Variants in NPHP4 observed in about 807,000 individuals in gnomAD.
NPHP4 encodes nephrocystin-4.
Under a neutral mutation model 155.8 loss-of-function variants are expected in NPHP4, and 151 were observed. The ratio of observed to expected loss-of-function variants is 0.97; its 90% confidence interval spans 0.85 to 1.11. NPHP4 has a LOEUF of 1.11. Among genes scored for constraint, NPHP4 ranks in the 50% least tolerant of loss-of-function variants. NPHP4 has a pLI of 0.00. For missense variants in NPHP4, 1,956 were observed against 1,925.7 expected, an observed-to-expected ratio of 1.02 and a Z score of -0.29; for synonymous variants, 845 against 816.8, an observed-to-expected ratio of 1.03 and a Z score of -0.59.
At position 5,910,659 on chromosome 1, in the gene NPHP4, GCTCTGAATCCCAAAAAAA is replaced by G. The variant is rs1645135164; in HGVS notation, c.1442-1464_1442-1447del. On this transcript the variant is annotated intron_variant, in intron 11 of 29. Transcript: ENST00000378156. This position sits in a 1 kb window ranked among gnomAD's most constrained non-coding sequence, Gnocchi z 5.4. ...AGACTGCTCAGCCACTTCGTGTTCC[GCTCTGAATCCCAAAAAAA>G]CAAAAACAACAAGGAAAATGCTGTC... Among the ~76,000 whole-genome samples, 1 of 152,146 alleles carries G rather than the reference GCTCTGAATCCCAAAAAAA, an allele frequency of 6.6e-6. No homozygotes were observed. The highest frequency in any genetic ancestry group is 1.5e-5 in the Non-Finnish European group (1 of 68,028).
chr1:5,980,253 T>C (rs919754314), intron 2 of NPHP4, among the ~76,000 whole-genome samples: 2 of 152,200 alleles, frequency 1.3e-5, no homozygotes, highest in Non-Finnish European at 2.9e-5. Context: ...ACCCCTCGTC[T>C]TGGGAGCCCT....
intron 9 of NPHP4, among the ~76,000 whole-genome samples, chr1:5,939,039 A>T (rs752806464): frequency 8.3e-4 from 126 of 152,322 alleles, no homozygotes; most frequent in Non-Finnish European, 4.3e-4. Context: ...CAAAGTCAAT[A>T]TACTCGAGCA....
intron 6 of NPHP4, among the ~76,000 whole-genome samples, chr1:5,955,904 A>G (rs570562137): frequency 4.6e-5 from 7 of 152,220 alleles, no homozygotes; most frequent in Non-Finnish European, 1.0e-4. Flanking sequence ...TCCTGACCAC[A>G]CAGAAATGAT....
chr1:5,903,498 G>A (rs142813686), intron 16 of NPHP4, among the ~76,000 whole-genome samples: 2 of 152,024 alleles, frequency 1.3e-5, no homozygotes, highest in African/African-American at 4.8e-5. Flanking sequence ...CTTATGAGCT[G>A]AGTCACTGAC....
rs1640830509 is a variant in NPHP4, at chr1:5,863,350, ACT to A, written c.4194_4195del (p.Arg1398SerfsTer3). ...GTAGATCAGGATCTCCTCCTCACCC[ACT>A]CTCTGACTAGGCGCAAACTGCAAGC... On this transcript the variant is annotated frameshift_variant, in exon 30 of 30. Coordinates refer to ENST00000378156, the MANE Select transcript of NPHP4 (RefSeq NM_015102.5). LOFTEE classifies it high-confidence loss of function. 6.2e-7 allele frequency: 1 copy of A among 1,613,296 alleles called. No individual in the cohort carries two copies. Among genetic ancestry groups the A allele is most frequent in the African/African-American group, 1.3e-5 (1 of 74,722 alleles).
intron 9 of NPHP4, among the ~76,000 whole-genome samples, chr1:5,943,703 G>A (rs1646941417): frequency 6.6e-6 from 1 of 152,168 alleles, no homozygotes; most frequent in Non-Finnish European, 1.5e-5. Context: ...CACATTGCTG[G>A]GGTTTGTCCG....
rs1418166093 is a variant in NPHP4, at chr1:5,904,778, G to A, written c.1982C>T (p.Ser661Leu). ...SRVAQDCRGT[S>L]WPKTVYFTFQ... The stretch of plus-strand genomic sequence containing the variant: ...GGTGAAATACACAGTCTTTGGCCAT[G>A]ATGTTCCTCGGCAGTCCTGGGCCAC... Residue 661 changes from serine to leucine, a missense_variant, in exon 16 of 30, where the codon TCA (serine) becomes TTA (leucine). Coordinates refer to ENST00000378156, the MANE Select transcript of NPHP4 (RefSeq NM_015102.5). The A allele has an allele frequency of 6.2e-7, 1 of 1,614,024 alleles. No individual in the cohort carries two copies. The highest frequency in any genetic ancestry group is 1.7e-5 in the Admixed American group (1 of 60,020).
chr1:5,965,084 C>T lies in NPHP4; in HGVS notation c.517+2215G>A, dbSNP rs1360045176. On this transcript the variant is annotated intron_variant, in intron 5 of 29. Transcript: ENST00000378156. ...AGTAGCTATGACCACAGGGGCGCAC[C>T]GCCATACCCAGTTAATGTTTGTATT... 3.3e-5 allele frequency among the ~76,000 whole-genome samples: 5 copies of T among 150,914 alleles called. No homozygotes were observed. In the East Asian group the frequency reaches 7.7e-4, roughly 23 times the overall value.
chr1:5,888,328 C>T, intron 17 of NPHP4: 2 of 1,058,236 alleles, frequency 1.9e-6, no homozygotes, highest in Non-Finnish European at 2.3e-6. Context: ...ACACTCTTCC[C>T]CCGTGCCCTC....
rs763002637 is a variant in NPHP4 at position 5,864,350 on chromosome 1, C to A, written c.3984G>T (p.Pro1328=). 2 of 1,605,960 alleles carry A rather than the reference C, an allele frequency of 1.2e-6. No homozygotes were observed. The highest frequency in any genetic ancestry group is 1.7e-6 in the Non-Finnish European group (2 of 1,175,910). ...SWLVCLCCRQ[P]LISKAFEIML... ...CACACATACAGACCTTGGAGATGAG[C>A]GGCTGGCGGCAGCAGAGGCACACGA... The change falls in exon 28 of 30, where the codon CCG becomes CCT. Residue 1328 remains proline (P), a synonymous_variant. Coordinates refer to ENST00000378156, the MANE Select transcript of NPHP4 (RefSeq NM_015102.5).
At chr1:5,899,202 G>A (rs930621839) in intron 16 of NPHP4, among the ~76,000 whole-genome samples, 2 of 152,156 alleles carry the variant, frequency 1.3e-5, no homozygotes, top group Non-Finnish European at 2.9e-5. Flanking sequence ...CACAACGGCC[G>A]TGCGCACCAA....
Position 5,866,416 on chromosome 1 carries a change from C to G in NPHP4, c.3601G>C (p.Gly1201Arg), listed in dbSNP as rs770432925. ...PRDIFLKVAS[G>R]PSPEIKDFFV... is the part of the protein sequence containing the mutation. ...AAGTCTTTGATCTCCGGGCTTGGAC[C>G]ACTGGCCACCTTCAGAAATATGTCC... Residue 1201 changes from glycine to arginine, a missense_variant, in exon 26 of 30, where the codon GGT (glycine) becomes CGT (arginine). Coordinates refer to ENST00000378156, the MANE Select transcript of NPHP4 (RefSeq NM_015102.5). 6.2e-7 allele frequency: 1 copy of G among 1,608,768 alleles called. No individual in the cohort carries two copies. Among genetic ancestry groups the G allele is most frequent in the Admixed American group, 1.7e-5 (1 of 59,548 alleles).
intron 23 of NPHP4, among the ~76,000 whole-genome samples, chr1:5,868,944 GCACACACACACAATGCA>G (rs1557598617): frequency 1.0e-5 from 1 of 97,838 alleles, no homozygotes; most frequent in Non-Finnish European, 2.0e-5. Context: ...GCACCCACAT[GCACACACACACAATGCA>G]CACACACATG....
At chr1:5,960,896 G>T (rs1336518325) in intron 6 of NPHP4, among the ~76,000 whole-genome samples, 1 of 152,104 alleles carries the variant, frequency 6.6e-6, no homozygotes, top group Non-Finnish European at 1.5e-5. Context: ...AAAATCCTCA[G>T]GTCACTGCAC....
chr1:5,863,203 G>C lies in NPHP4; in HGVS notation c.*62C>G. On this transcript the variant is annotated 3_prime_UTR_variant, in exon 30 of 30. Coordinates refer to ENST00000378156, the MANE Select transcript of NPHP4 (RefSeq NM_015102.5). Reference sequence around the variant, plus strand: ...GAGAGGCGGGGAGGACAGCCTGCAGGGCAGGAGGGGCACAGACAGGCCCCA... The same window carrying C: ...GAGAGGCGGGGAGGACAGCCTGCAGCGCAGGAGGGGCACAGACAGGCCCCA... 6.3e-7 allele frequency: 1 copy of C among 1,575,976 alleles called. No individual in the cohort carries two copies. Among genetic ancestry groups the C allele is most frequent in the Non-Finnish European group, 8.7e-7 (1 of 1,146,142 alleles).
At position 5,898,520 on chromosome 1, in the gene NPHP4, C is replaced by G. The variant is rs541602257; in HGVS notation, c.2143+6097G>C. Among the ~76,000 whole-genome samples the G allele has an allele frequency of 9.8e-5, 15 of 152,364 alleles. 1 individual carries two copies. The South Asian group carries it at 2.9e-3, about 29-fold the overall frequency. ...GTGCAGGGCCTTGGCACGAGCCCCC[C>G]AGCGGCTCTGCCGGGCAGACAGCCA... On this transcript the variant is annotated intron_variant, in intron 16 of 29. Coordinates refer to ENST00000378156, the MANE Select transcript of NPHP4 (RefSeq NM_015102.5).
chr1:5,964,937 A>ATTTTTTTTTTTTTTTTTTTT (rs1400602210), intron 5 of NPHP4, among the ~76,000 whole-genome samples: 2 of 54,932 alleles, frequency 3.6e-5, no homozygotes, highest in African/African-American at 9.3e-5. Flanking sequence ...ATATATATAT[A>ATTTTTTTTTTTTTTTTTTTT]TATATTTTTT....
Position 5,969,153 on chromosome 1 carries a change from C to A in NPHP4, c.386G>T (p.Gly129Val). 6.4e-7 allele frequency: 1 copy of A among 1,555,356 alleles called. No homozygotes were observed. The highest frequency in any genetic ancestry group is 8.7e-7 in the Non-Finnish European group (1 of 1,148,872). ...RDGSLQTLSC[G>V]FGILRIFSNQ... ...GCTGAAGATCCGAAGAATTCCAAAC[C>A]CACAGGACAATGTCTGGAGGCTCCC... Residue 129 changes from glycine (G) to valine (V), a missense_variant, in exon 4 of 30, where the codon GGG (glycine) becomes GTG (valine). Coordinates refer to ENST00000378156, the MANE Select transcript of NPHP4 (RefSeq NM_015102.5).
At position 5,866,810 on chromosome 1, in the gene NPHP4, AT is replaced by A. The variant is rs141488773; in HGVS notation, c.3558+219del. Among the ~76,000 whole-genome samples, 480 of 152,348 alleles carry A rather than the reference AT, an allele frequency of 3.2e-3. 7 individuals are homozygous for A. The highest frequency in any genetic ancestry group is 0.011 in the African/African-American group (452 of 41,586). On this transcript the variant is annotated intron_variant, in intron 25 of 29. Transcript: ENST00000378156. Reference sequence around the variant, plus strand: ...TGCTTCGTGCCTTTTTAAAATTTAAATTCAGATGATCAAGGAGCTGATCTGC... The same window carrying A: ...TGCTTCGTGCCTTTTTAAAATTTAAATCAGATGATCAAGGAGCTGATCTGC...
Sources: gnomAD v4.1 joint callset for allele counts (sites outside exome capture counted in the v4.1 genomes callset) on GRCh38, gnomAD v4.1.1 for gene constraint, Gnocchi (gnomAD v3.1) non-coding constraint, MANE v1.5 for transcripts, NCBI Gene and HGNC (gene_info 2026-07-23, HGNC 2026-07-21) for gene names.